TNFAIP3: variants seen among roughly 807,000 people sequenced by gnomAD.
TNFAIP3 encodes tumor necrosis factor alpha-induced protein 3.
Under a neutral mutation model 72.4 loss-of-function variants are expected in TNFAIP3, and 9 were observed. The ratio of observed to expected loss-of-function variants is 0.12; its 90% CI spans 0.07 to 0.22. The LOEUF is 0.22. Ranked by LOEUF, TNFAIP3 falls within the 10% of genes least tolerant of loss-of-function variation. The pLI is 1.00. For missense variants in TNFAIP3, 833 were observed against 1,018.7 expected (o/e 0.82, Z 2.48); for synonymous variants, 339 against 372.6 (o/e 0.91, Z 1.04).
Position 137,875,040 on chromosome 6 carries a change from G to GT in TNFAIP3, c.486+10dup. ...GGGCTTTGCTATGATACTCGGGTAG[G>GT]TTTTTCCCCCTAATTATCTACTAAC... On this transcript the variant is annotated splice_donor_region_variant and intron_variant, in intron 3 of 8. Transcript: ENST00000612899. 6.2e-7 allele frequency: 1 copy of GT among 1,613,946 alleles called. No individual in the cohort carries two copies. The highest frequency in any genetic ancestry group is 8.5e-7 in the Non-Finnish European group (1 of 1,179,980).
intron 2 of TNFAIP3, among the ~76,000 whole-genome samples, chr6:137,872,668 G>C (rs1776100799): frequency 6.6e-6 from 1 of 152,108 alleles, no homozygotes; most frequent in Non-Finnish European, 1.5e-5. Flanking sequence ...CTGATTCTTA[G>C]AAACATAGAT....
rs749724405 is a variant in TNFAIP3 at position 137,881,213 on chromosome 6, A to C, written c.2267A>C (p.Asp756Ala). The change falls in exon 9 of 9, where the codon GAC (aspartate) becomes GCC (alanine). Residue 756 changes from aspartate to alanine, a missense_variant. This residue lies in a region of TNFAIP3 where 587 missense variants were observed against 657.8 expected (regional missense o/e 0.89). Transcript: ENST00000612899. The surrounding 1 kb of genome is among the most constrained non-coding windows in gnomAD (Gnocchi z 5.0). ...GAHRGEPAPE[D>A]PPKQRCRAPA... ...CACCGGGGTGAGCCTGCCCCCGAAG[A>C]CCCCCCCAAGCAGCGTTGCCGGGCC... The C allele has an allele frequency of 1.3e-6, 2 of 1,598,186 alleles. No individual in the cohort carries two copies.
In TNFAIP3 at chr6:137,871,151, TAG is replaced by T. The variant is rs1361300143; in HGVS notation, c.-15-59_-15-58del. ...CACTGGGGTTTCCTGCAGGCAGCTA[TAG>T]AGGAGTCGTATTAAAGTCAGGCTAA... On this transcript the variant is annotated intron_variant, in intron 1 of 8. Coordinates refer to ENST00000612899, the MANE Select transcript of TNFAIP3 (RefSeq NM_001270508.2). The surrounding 1 kb of genome is among the most constrained non-coding windows in gnomAD (Gnocchi z 4.2). The T allele has an allele frequency of 3.4e-6, 5 of 1,477,860 alleles. No homozygotes were observed. In the African/African-American group the frequency reaches 7.0e-5, roughly 21 times the overall value. 91.5% of individuals were successfully genotyped at this position (1,477,860 alleles called of 1,614,324 possible). A position where few individuals can be genotyped will look rare whatever the true frequency, so the allele number is the denominator to read the frequency against.
chr6:137,871,629 G>C lies in TNFAIP3; in HGVS notation c.295+107G>C, dbSNP rs1351938830. 5 of 1,284,964 alleles carry C rather than the reference G, an allele frequency of 3.9e-6. No individual in the cohort carries two copies. Among genetic ancestry groups the C allele is most frequent in the African/African-American group, 1.5e-5 (1 of 66,996 alleles). 79.6% of individuals were successfully genotyped at this position (1,284,964 alleles called of 1,614,324 possible). On this transcript the variant is annotated intron_variant, in intron 2 of 8. Transcript: ENST00000612899. The surrounding 1 kb of genome is among the most constrained non-coding windows in gnomAD (Gnocchi z 4.2). ...ACAAGCCCAAACTCAAATCAATCTT[G>C]AGATTTAGTATTGAGACCTTTATAT...
At chr6:137,875,191 G>A (rs1300770836) in intron 3 of TNFAIP3, among the ~76,000 whole-genome samples, 156 bp downstream of exon 3, 1 of 152,242 alleles carries the variant, frequency 6.6e-6, no homozygotes, top group African/African-American at 2.4e-5. Flanking sequence ...GAAACCTCCA[G>A]TGGGACTCAC....
At chr6:137,880,585 A>C (rs1186492815) in intron 8 of TNFAIP3, among the ~76,000 whole-genome samples, 1 of 152,242 alleles carries the variant, frequency 6.6e-6, no homozygotes, top group South Asian at 2.1e-4. Flanking sequence ...CAGACATCTA[A>C]AAAGCAGCCC....
intron 1 of TNFAIP3, among the ~76,000 whole-genome samples, chr6:137,870,174 G>A (rs1343929551): frequency 6.6e-6 from 1 of 152,170 alleles, no homozygotes; most frequent in African/African-American, 2.4e-5. Context: ...CCTCTGTGTT[G>A]GTACCTGGAG....
intron 1 of TNFAIP3, among the ~76,000 whole-genome samples, chr6:137,869,311 T>TTGGGTGGATGGGTGGATGGA (rs1280173150): frequency 9.1e-4 from 137 of 151,010 alleles, no homozygotes; most frequent in African/African-American, 3.3e-3. Context: ...GTAGTGCTTG[T>TTGGGTGGATGGGTGGATGGA]TGGGTGGATG....
chr6:137,881,945 A>T lies in TNFAIP3; in HGVS notation c.*626A>T, dbSNP rs1417232947. On this transcript the variant is annotated 3_prime_UTR_variant, in exon 9 of 9. Coordinates refer to ENST00000612899, the MANE Select transcript of TNFAIP3 (RefSeq NM_001270508.2). The surrounding 1 kb of genome is among the most constrained non-coding windows in gnomAD (Gnocchi z 5.0). ...GGACTGTGATTCTGAGGCTGCTGAG[A>T]CTGAACATGTTCACATTGACAGAAA... is the stretch of plus-strand genomic sequence containing the variant. 1 of 231,896 alleles carries T rather than the reference A, an allele frequency of 4.3e-6. No individual in the cohort carries two copies. The highest frequency in any genetic ancestry group is 2.2e-5 in the African/African-American group (1 of 45,268). 14.4% of individuals were successfully genotyped at this position (231,896 alleles called of 1,614,324 possible).
rs927284775 is a variant in TNFAIP3 at position 137,883,156 on chromosome 6, T to C, written c.*1837T>C. 1.5e-5 allele frequency: 3 copies of C among 203,176 alleles called. No homozygotes were observed. The highest frequency in any genetic ancestry group is 1.6e-4 in the East Asian group (2 of 12,388). 12.6% of individuals were successfully genotyped at this position (203,176 alleles called of 1,614,324 possible). A position where few individuals can be genotyped will look rare whatever the true frequency, so the allele number is the denominator to read the frequency against. ...TTTCCATTCTTAATGTGAAAAAAAG[T>C]AATTATTTATACTTATTATAAAAAG... On this transcript the variant is annotated 3_prime_UTR_variant, in exon 9 of 9. Transcript: ENST00000612899.
rs940167059 is a variant in TNFAIP3 at position 137,872,479 on chromosome 6, G to A, written c.295+957G>A. ...ATATGTCCAAGGGCAGAAAATCCTT[G>A]TTGACAAGGATTACGATAAGAACAC... On this transcript the variant is annotated intron_variant, in intron 2 of 8. Transcript: ENST00000612899. 2.0e-5 allele frequency among the ~76,000 whole-genome samples: 3 copies of A among 152,170 alleles called. No homozygotes were observed. In the East Asian group the frequency reaches 5.8e-4, roughly 29 times the overall value.
Position 137,876,096 on chromosome 6 carries a change from A to C in TNFAIP3, c.735A>C (p.Arg245Ser). Reference protein sequence around the residue: ...PLHWPAQECYRYPIVLGYDSH... With the variant: ...PLHWPAQECYSYPIVLGYDSH... The stretch of plus-strand genomic sequence containing the variant: ...ACTGGCCTGCCCAGGAATGCTACAG[A>C]TACCCCATTGTTCTCGGCTATGACA... Residue 245 changes from arginine (R) to serine (S), a missense_variant, in exon 5 of 9, where the codon AGA becomes AGC. Coordinates refer to ENST00000612899, the MANE Select transcript of TNFAIP3 (RefSeq NM_001270508.2). 6.2e-7 allele frequency: 1 copy of C among 1,614,180 alleles called. No individual in the cohort carries two copies. The highest frequency in any genetic ancestry group is 1.1e-5 in the South Asian group (1 of 91,086).
upstream of TNFAIP3, chr6:137,866,794 GGCC>G (rs1775848241): frequency 6.6e-6 from 1 of 152,396 alleles, no homozygotes; most frequent in Non-Finnish European, 1.5e-5. Context: ...GAGGCCTGCG[GGCC>G]CGGGCGCCAG....
At chr6:137,878,028 A>G (rs1048618219) in intron 6 of TNFAIP3, among the ~76,000 whole-genome samples, 13 of 152,232 alleles carry the variant, frequency 8.5e-5, no homozygotes, top group Non-Finnish European at 1.8e-4. Context: ...AGTAGTTTGT[A>G]CTATAAAGTA....
chr6:137,880,668 C>G (rs1399235264), intron 8 of TNFAIP3, among the ~76,000 whole-genome samples: 1 of 152,006 alleles, frequency 6.6e-6, no homozygotes, highest in African/African-American at 2.4e-5. Flanking sequence ...CCTAATGGCG[C>G]GTCAGAAAAG....
chr6:137,879,382 C>T (rs759772872), intron 7 of TNFAIP3, 31 bp downstream of exon 7: 1 of 1,589,036 alleles, frequency 6.3e-7, no homozygotes, highest in Non-Finnish European at 8.6e-7. Context: ...CCTAACACAG[C>T]GGCTGCTGTC....
chr6:137,876,179 C>T lies in TNFAIP3; in HGVS notation c.805+13C>T. On this transcript the variant is annotated intron_variant, in intron 5 of 8. Transcript: ENST00000612899. Reference sequence around the variant, plus strand: ...GACAGTGGGCCTGGTGAGAAAACTGCATTAATTCACATCTATAACTAGACA... The same window carrying T: ...GACAGTGGGCCTGGTGAGAAAACTGTATTAATTCACATCTATAACTAGACA... 6.2e-7 allele frequency: 1 copy of T among 1,602,718 alleles called. No individual in the cohort carries two copies. Among genetic ancestry groups the T allele is most frequent in the Admixed American group, 1.7e-5 (1 of 57,970 alleles).
rs974398639 is a variant in TNFAIP3 at position 137,875,952 on chromosome 6, A to G, written c.635-44A>G. On this transcript the variant is annotated intron_variant, in intron 4 of 8. Coordinates refer to ENST00000612899, the MANE Select transcript of TNFAIP3 (RefSeq NM_001270508.2). ...AACAGAGTTCAATGGAATTTGATGA[A>G]AGTCACCTAAGGGCCTCATTTTCCT... 3.1e-6 allele frequency: 5 copies of G among 1,599,750 alleles called. No homozygotes were observed. The African/African-American group carries it at 6.7e-5, about 22-fold the overall frequency.
intron 8 of TNFAIP3, 152 bp downstream of exon 8, chr6:137,880,404 C>T: frequency 1.2e-6 from 1 of 849,402 alleles, no homozygotes; most frequent in Non-Finnish European, 1.8e-6. Context: ...AGGGGAATGT[C>T]CATGTCACTG....
Sources: allele counts gnomAD v4.1 joint callset (sites outside exome capture counted in the v4.1 genomes callset), GRCh38; gene constraint gnomAD v4.1.1; regional missense constraint gnomAD v4.1.1; non-coding constraint Gnocchi (gnomAD v3.1); transcripts MANE v1.5; gene names NCBI Gene and HGNC (gene_info 2026-07-23, HGNC 2026-07-21).